Variants in RUFY2 observed in about 807,000 individuals in gnomAD.
The protein encoded by RUFY2 is RUN and FYVE domain containing 2, also known as RUN and FYVE domain-containing protein 2.
RUFY2 carries 49 observed loss-of-function variants against 94.4 expected under a neutral mutation model. The ratio of observed to expected loss-of-function variants is 0.52; its 90% confidence interval spans 0.41 to 0.66. The LOEUF is 0.66. RUFY2 is among the 30% of genes least tolerant of loss of function. The pLI is 0.00. For synonymous variants in RUFY2, 255 were observed against 235.7 expected, an observed-to-expected ratio of 1.08 and a Z score of -0.75; for missense variants, 541 against 692.8, an observed-to-expected ratio of 0.78 and a Z score of 2.46.
intron 9 of RUFY2, 38 bp from the exon 10 acceptor site, chr10:68,383,952 A>G: frequency 1.3e-6 from 2 of 1,568,244 alleles, no homozygotes; most frequent in South Asian, 2.2e-5. Context: ...TATAATCACT[A>G]CTATTAATAC....
At chr10:68,392,954 T>G (rs568062971) in intron 7 of RUFY2, among the ~76,000 whole-genome samples, 184 bp downstream of exon 7, 1 of 150,790 alleles carries the variant, frequency 6.6e-6, no homozygotes, top group Non-Finnish European at 1.5e-5. Flanking sequence ...AAATTCTGAC[T>G]CTCATTTTCT....
intron 7 of RUFY2, among the ~76,000 whole-genome samples, chr10:68,392,260 T>C (rs996545332): frequency 6.6e-6 from 1 of 152,036 alleles, no homozygotes; most frequent in Non-Finnish European, 1.5e-5. Context: ...CTCAAACTCC[T>C]TACCTCAGGT....
chr10:68,371,569 C>A (rs574503887), intron 13 of RUFY2, among the ~76,000 whole-genome samples: 1 of 149,702 alleles, frequency 6.7e-6, no homozygotes, highest in East Asian at 2.0e-4. Context: ...TCTAGCCTGG[C>A]GACAGAGCGA....
intron 16 of RUFY2, among the ~76,000 whole-genome samples, chr10:68,350,198 T>TG (rs2046568713): frequency 6.6e-6 from 1 of 151,832 alleles, no homozygotes; most frequent in Non-Finnish European, 1.5e-5. Flanking sequence ...TTAGTAGAGA[T>TG]GGGGTTTCAC....
At chr10:68,383,751 A>G in intron 10 of RUFY2, 47 bp downstream of exon 10, 1 of 1,319,138 alleles carries the variant, frequency 7.6e-7, no homozygotes, top group Non-Finnish European at 1.1e-6. Flanking sequence ...TTGAGGGTAA[A>G]TTACTCCCAG....
At chr10:68,341,742 C>A, downstream of RUFY2, 5 of 1,586,322 alleles carry the variant, frequency 3.2e-6, no homozygotes, top group Non-Finnish European at 4.3e-6. Context: ...AATTTTTTTT[C>A]TTTTTTCTTT....
At chr10:68,343,012 T>C (rs915372236), downstream of RUFY2, 20 of 152,212 alleles carry the variant, frequency 1.3e-4, no homozygotes, top group African/African-American at 4.6e-4. Flanking sequence ...AGTTTTAGTT[T>C]AAAGAATCTA....
Position 68,379,524 on chromosome 10 carries a change from A to G in RUFY2, c.1108-3T>C, listed in dbSNP as rs2048883718. The G allele has an allele frequency of 2.5e-6, 4 of 1,597,712 alleles. No homozygotes were observed. Among genetic ancestry groups the G allele is most frequent in the Non-Finnish European group, 3.4e-6 (4 of 1,169,950 alleles). ...TCTTTCAAGCCATCTTCAGAACCCT[A>G]TTTATAAAAACAAAAGCTATGGTGG... On this transcript the variant is annotated splice_polypyrimidine_tract_variant and splice_region_variant and intron_variant, in intron 11 of 17. Coordinates refer to ENST00000602465, the MANE Select transcript of RUFY2 (RefSeq NM_001330103.2).
intron 16 of RUFY2, 50 bp downstream of exon 16, chr10:68,355,303 C>T (rs376903352): frequency 7.6e-5 from 99 of 1,307,026 alleles, no homozygotes; most frequent in Non-Finnish European, 1.0e-4. Context: ...CATTACCTTC[C>T]ATTGGAGACT....
chr10:68,363,472 G>A (rs2047598385), intron 15 of RUFY2, 118 bp downstream of exon 15: 7 of 613,778 alleles, frequency 1.1e-5, no homozygotes, highest in South Asian at 2.6e-5. Context: ...GAACCACCGC[G>A]CCCGGCCTAG....
chr10:68,352,994 T>C (rs2046792585), intron 16 of RUFY2, among the ~76,000 whole-genome samples: 1 of 151,476 alleles, frequency 6.6e-6, no homozygotes, highest in East Asian at 2.0e-4. Context: ...ATAATCACAG[T>C]ACCTGGCTCA....
intron 13 of RUFY2, among the ~76,000 whole-genome samples, chr10:68,366,946 G>C (rs1221061420): frequency 1.4e-5 from 2 of 147,910 alleles, no homozygotes; most frequent in African/African-American, 5.0e-5. Flanking sequence ...GAGGCGTGCA[G>C]ATCACAAGGT....
intron 3 of RUFY2, among the ~76,000 whole-genome samples, chr10:68,398,522 T>G (rs1212149225): frequency 1.3e-5 from 2 of 151,896 alleles, no homozygotes; most frequent in Non-Finnish European, 2.9e-5. Flanking sequence ...CACAGTGGCA[T>G]GAGCCCGTAA....
chr10:68,366,275 A>G (rs2047804523), intron 13 of RUFY2, among the ~76,000 whole-genome samples: 1 of 146,352 alleles, frequency 6.8e-6, no homozygotes, highest in South Asian at 2.2e-4. Context: ...GGTTGCAGTA[A>G]GCCAAGATCT....
intron 13 of RUFY2, 119 bp downstream of exon 13, chr10:68,376,734 C>G: frequency 9.9e-7 from 1 of 1,006,332 alleles, no homozygotes; most frequent in East Asian, 2.5e-5. Flanking sequence ...TTAAAGTAAA[C>G]ACTAAAAGCT....
At chr10:68,355,604 C>G in intron 15 of RUFY2, 2 of 423,420 alleles carry the variant, frequency 4.7e-6, no homozygotes, top group Non-Finnish European at 8.4e-6. Context: ...AGATTTAAAA[C>G]TTGCTTTTTA....
At chr10:68,378,798 T>C (rs995496638) in intron 12 of RUFY2, 9 of 633,900 alleles carry the variant, frequency 1.4e-5, no homozygotes, top group Non-Finnish European at 2.1e-5. Context: ...AGAATATTCA[T>C]GTCAATAAAG....
chr10:68,385,964 TCG>T, intron 8 of RUFY2, 93 bp downstream of exon 8: 1 of 689,756 alleles, frequency 1.4e-6, no homozygotes, highest in Non-Finnish European at 2.5e-6. Flanking sequence ...GAGTGTGTGT[TCG>T]TGTGTGTGTG....
At position 68,355,359 on chromosome 10, in the gene RUFY2, T is replaced by C. The variant is rs1295971053; in HGVS notation, c.1593A>G (p.Ala531=). ...KIEDIKEANK[A]LQGLVWLKDK... Reference sequence around the variant, plus strand: ...AGGAAAACGTTCTACTCACCTGCAATGCTTTGTTGGCTTCTTTTATGTCTT... The same window carrying C: ...AGGAAAACGTTCTACTCACCTGCAACGCTTTGTTGGCTTCTTTTATGTCTT... The change falls in exon 16 of 18, where the codon GCA becomes GCG. Residue 531 remains alanine (A), a synonymous_variant. Transcript: ENST00000602465. 1 of 1,611,590 alleles carries C rather than the reference T, an allele frequency of 6.2e-7. No homozygotes were observed. Among genetic ancestry groups the C allele is most frequent in the Admixed American group, 1.7e-5 (1 of 59,840 alleles).
Sources: gnomAD v4.1 joint callset for allele counts (sites outside exome capture counted in the v4.1 genomes callset) on GRCh38, gnomAD v4.1.1 for gene constraint, MANE v1.5 for transcripts, NCBI Gene and HGNC (gene_info 2026-07-23, HGNC 2026-07-21) for gene names.